The following RFX4 variants were observed in gnomAD, a reference collection of about 807,000 sequenced individuals.
RFX4 encodes transcription factor RFX4.
RFX4 carries 10 observed loss-of-function variants against 95.0 expected under a neutral mutation model. The ratio of observed to expected loss-of-function variants is 0.11; its 90% CI spans 0.06 to 0.18. RFX4 has a LOEUF of 0.18. RFX4 is among the 10% of genes least tolerant of loss of function. The pLI is 1.00. For synonymous variants in RFX4, 321 were observed against 340.7 expected (o/e 0.94, Z 0.64); for missense variants, 640 against 922.0 (o/e 0.69, Z 3.96).
chr12:106,658,101 G>A (rs1213962928), intron 4 of RFX4, among the ~76,000 whole-genome samples: 1 of 152,044 alleles, frequency 6.6e-6, no homozygotes, highest in Non-Finnish European at 1.5e-5. Flanking sequence ...ACAATGCCTG[G>A]CACAGAATAA....
At chr12:106,598,334 A>G (rs1423716577) in intron 1 of RFX4, among the ~76,000 whole-genome samples, 1 of 152,214 alleles carries the variant, frequency 6.6e-6, no homozygotes, top group African/African-American at 2.4e-5. Flanking sequence ...AATGATGAAT[A>G]TGAAGACTGT....
At chr12:106,725,765 T>C (rs1249491283) in intron 13 of RFX4, among the ~76,000 whole-genome samples, 1 of 151,928 alleles carries the variant, frequency 6.6e-6, no homozygotes, top group African/African-American at 2.4e-5. Flanking sequence ...AAATGGATGG[T>C]AAATGAAAGC....
intron 7 of RFX4, among the ~76,000 whole-genome samples, chr12:106,690,576 G>A (rs1360019103): frequency 6.8e-6 from 1 of 146,908 alleles, no homozygotes; most frequent in Non-Finnish European, 1.5e-5. Flanking sequence ...TGGAAGGCTG[G>A]TTGCTGGGGG....
At chr12:106,654,016 C>T (rs2040907656) in intron 3 of RFX4, among the ~76,000 whole-genome samples, 1 of 152,146 alleles carries the variant, frequency 6.6e-6, no homozygotes, top group South Asian at 2.1e-4. Flanking sequence ...TGGTGTCATA[C>T]CCAAAGGGGC....
intron 2 of RFX4, among the ~76,000 whole-genome samples, chr12:106,609,742 G>T (rs554001657): frequency 9.4e-4 from 140 of 149,410 alleles, no homozygotes; most frequent in Admixed American, 5.5e-3. Flanking sequence ...GTTTGATGGG[G>T]TTTTTTTTTT....
chr12:106,655,919 T>C (rs1331677821), intron 4 of RFX4, among the ~76,000 whole-genome samples: 2 of 152,208 alleles, frequency 1.3e-5, no homozygotes, highest in Admixed American at 6.5e-5. Flanking sequence ...TGCATGGACA[T>C]AAACAGACAT....
rs1033886349 is a variant in RFX4 at position 106,636,092 on chromosome 12, C to T, written c.131-3240C>T. ...TAATGCAGATGACTGAGATACCACC[C>T]CTGCCTTCTCACTGAGTTTATGCTT... On this transcript the variant is annotated intron_variant, in intron 2 of 17. Coordinates refer to ENST00000392842, the MANE Select transcript of RFX4 (RefSeq NM_213594.3). 2.6e-5 allele frequency among the ~76,000 whole-genome samples: 4 copies of T among 152,114 alleles called. No individual in the cohort carries two copies. In the East Asian group the frequency reaches 5.8e-4, roughly 22 times the overall value.
intron 4 of RFX4, among the ~76,000 whole-genome samples, chr12:106,676,639 T>C (rs2041397097): frequency 6.6e-6 from 1 of 152,174 alleles, no homozygotes; most frequent in African/African-American, 2.4e-5. Context: ...CGGGGCTGTC[T>C]GCTGATGACA....
chr12:106,704,103 C>T (rs953251081), intron 8 of RFX4, among the ~76,000 whole-genome samples: 1 of 138,712 alleles, frequency 7.2e-6, no homozygotes, highest in African/African-American at 2.6e-5. Flanking sequence ...GCTGAAATGA[C>T]TTGTCTACCT....
chr12:106,646,012 A>G lies in RFX4; in HGVS notation c.191+6620A>G, dbSNP rs1157615679. On this transcript the variant is annotated intron_variant, in intron 3 of 17. Coordinates refer to ENST00000392842, the MANE Select transcript of RFX4 (RefSeq NM_213594.3). Reference sequence around the variant, plus strand: ...TGAGATGCTGTGTTGTGGAACCACAACTTTTTTTAAAAAAAGTATTTTGTG... The same window carrying G: ...TGAGATGCTGTGTTGTGGAACCACAGCTTTTTTTAAAAAAAGTATTTTGTG... 8 of 1,173,280 alleles carry G rather than the reference A, an allele frequency of 6.8e-6. No individual in the cohort carries two copies. The African/African-American group carries it at 7.9e-5, about 12-fold the overall frequency. The allele number at this position is 1,173,280 out of a possible 1,614,324, so 72.7% of individuals were successfully genotyped here.
chr12:106,635,476 C>A (rs911474301), intron 2 of RFX4, among the ~76,000 whole-genome samples: 1 of 151,912 alleles, frequency 6.6e-6, no homozygotes, highest in African/African-American at 2.4e-5. Context: ...CGATGCCCAG[C>A]TAATTTTTGT....
intron 2 of RFX4, among the ~76,000 whole-genome samples, chr12:106,631,835 G>A (rs1207101085): frequency 1.3e-5 from 2 of 152,222 alleles, no homozygotes; most frequent in African/African-American, 2.4e-5. Flanking sequence ...GGAGCAGTCA[G>A]GGTGCTGAGG....
intron 3 of RFX4, among the ~76,000 whole-genome samples, chr12:106,647,242 G>T (rs2040765597): frequency 6.6e-6 from 1 of 152,156 alleles, no homozygotes; most frequent in Non-Finnish European, 1.5e-5. Context: ...ATGAATGTCA[G>T]TCTCTGGCAC....
chr12:106,692,167 A>G (rs1200356495), intron 7 of RFX4, among the ~76,000 whole-genome samples: 1 of 151,964 alleles, frequency 6.6e-6, no homozygotes, highest in Non-Finnish European at 1.5e-5. Context: ...AAAAAAAAAA[A>G]AAAAATGCAA....
At chr12:106,647,502 C>T (rs1470407681) in intron 3 of RFX4, among the ~76,000 whole-genome samples, 2 of 151,994 alleles carry the variant, frequency 1.3e-5, no homozygotes, top group Non-Finnish European at 2.9e-5. Flanking sequence ...TTTAACTACC[C>T]AGATATTAAG....
intron 15 of RFX4, 135 bp downstream of exon 15, chr12:106,733,220 C>T: frequency 1.1e-6 from 1 of 917,522 alleles, no homozygotes; most frequent in South Asian, 1.6e-5. Flanking sequence ...CCTGTAGTCC[C>T]AGCTACTTGG....
At chr12:106,747,922 C>T (rs1292776105) in intron 16 of RFX4, among the ~76,000 whole-genome samples, 4 of 137,858 alleles carry the variant, frequency 2.9e-5, no homozygotes, top group South Asian at 2.5e-4. Context: ...AGCGAGACGC[C>T]GTCTTAAAAA....
chr12:106,701,494 A>G (rs1011613660), intron 8 of RFX4, among the ~76,000 whole-genome samples: 2 of 152,088 alleles, frequency 1.3e-5, no homozygotes, highest in Non-Finnish European at 2.9e-5. Flanking sequence ...TGATATTTCA[A>G]TTACAAGTAT....
intron 2 of RFX4, among the ~76,000 whole-genome samples, chr12:106,627,797 G>A (rs1414993965): frequency 2.0e-5 from 3 of 152,210 alleles, no homozygotes; most frequent in Non-Finnish European, 2.9e-5. Flanking sequence ...TGGTGAGATG[G>A]AATGTCTCCA....
Sources: allele counts gnomAD v4.1 joint callset (sites outside exome capture counted in the v4.1 genomes callset), GRCh38; gene constraint gnomAD v4.1.1; transcripts MANE v1.5; gene names NCBI Gene and HGNC (gene_info 2026-07-23, HGNC 2026-07-21).